Variants in TNPO3 observed in about 807,000 individuals in gnomAD.
The protein encoded by TNPO3 is transportin 3.
In TNPO3, 65 loss-of-function variants were observed where a neutral mutation model predicts 122.8. The observed-to-expected ratio is 0.53, with a 90% CI of 0.43 to 0.65. The LOEUF is 0.65. Ranked by LOEUF, TNPO3 falls within the 30% of genes least tolerant of loss-of-function variation. TNPO3 has a pLI of 0.00. For synonymous variants in TNPO3, 372 were observed against 411.2 expected, an observed-to-expected ratio of 0.90 and a Z score of 1.15; for missense variants, 850 against 1,136.7, an observed-to-expected ratio of 0.75 and a Z score of 3.63.
At chr7:128,977,972 T>G (rs906180976) in intron 16 of TNPO3, among the ~76,000 whole-genome samples, 1 of 152,164 alleles carries the variant, frequency 6.6e-6, no homozygotes, top group Non-Finnish European at 1.5e-5. Flanking sequence ...AGGTGGAGCA[T>G]GGTCACTTCA....
intron 1 of TNPO3, among the ~76,000 whole-genome samples, chr7:129,051,273 T>A (rs1808731117): frequency 6.6e-6 from 1 of 151,982 alleles, no homozygotes; most frequent in Non-Finnish European, 1.5e-5. Context: ...TGACATTATT[T>A]GATATTTTTG....
rs548382251 is a variant in TNPO3, at chr7:128,967,336, C to T, written c.2655G>A (p.Val885=). 236 of 1,614,088 alleles carry T rather than the reference C, an allele frequency of 1.5e-4. 5 individuals are homozygous for T. The South Asian group carries it at 2.5e-3, about 17-fold the overall frequency. ...GTTTGTGTGTCACTGTGACGGCTCC[C>T]ACGGTTGTTTCCTTTGGCAAACCTT... ...SLKGLPKETT[V]GAVTVTHKQL... Residue 885 remains valine (V), a synonymous_variant, in exon 21 of 23, where the codon GTG becomes GTA. Transcript: ENST00000265388.
At chr7:129,021,468 C>A (rs992666098) in intron 1 of TNPO3, among the ~76,000 whole-genome samples, 9 of 150,946 alleles carry the variant, frequency 6.0e-5, no homozygotes, top group African/African-American at 2.2e-4. Context: ...ACCTTGAAAC[C>A]AAACAGTCAG....
intron 14 of TNPO3, among the ~76,000 whole-genome samples, chr7:128,981,866 C>A (rs184189791): frequency 6.6e-6 from 1 of 152,098 alleles, no homozygotes; most frequent in East Asian, 1.9e-4. Flanking sequence ...ATAGCTGGGA[C>A]CACAGGCCCA....
At chr7:128,984,088 G>T in intron 13 of TNPO3, 80 bp downstream of exon 13, 1 of 855,504 alleles carries the variant, frequency 1.2e-6, no homozygotes, top group Non-Finnish European at 1.7e-6. Flanking sequence ...CAAAAGATCT[G>T]TAAATAAGTA....
In TNPO3 at chr7:128,984,177, T is replaced by C; in HGVS notation, c.1773A>G (p.Ala591=). 6.3e-7 allele frequency: 1 copy of C among 1,595,204 alleles called. No homozygotes were observed. The highest frequency in any genetic ancestry group is 8.5e-7 in the Non-Finnish European group (1 of 1,171,368). ...CCTTAATTGGACTTACCTTTTTCAA[T>C]GCCATAACCTGAACAGAACATAGTT... is the stretch of plus-strand genomic sequence containing the variant. The part of the protein sequence containing the change: ...LSELCSVQVM[A]LKKLLSQEPS... The change falls in exon 13 of 23, where the codon GCA becomes GCG. Residue 591 remains alanine (A), a synonymous_variant. Coordinates refer to ENST00000265388, the MANE Select transcript of TNPO3 (RefSeq NM_012470.4).
chr7:128,990,565 CA>C (rs1585338341), intron 10 of TNPO3, among the ~76,000 whole-genome samples: 2 of 152,140 alleles, frequency 1.3e-5, no homozygotes, highest in East Asian at 3.9e-4. Flanking sequence ...TGTTTTGCTC[CA>C]AAAGATTTCT....
chr7:128,956,279 C>T (rs1461844428), intron 22 of TNPO3, among the ~76,000 whole-genome samples: 1 of 152,210 alleles, frequency 6.6e-6, no homozygotes, highest in African/African-American at 2.4e-5. Context: ...GTGAGTGCTA[C>T]AGATTCATCA....
At chr7:129,022,017 T>G (rs1235114761) in intron 1 of TNPO3, among the ~76,000 whole-genome samples, 1 of 151,928 alleles carries the variant, frequency 6.6e-6, no homozygotes, top group African/African-American at 2.4e-5. Flanking sequence ...ATATCTAACA[T>G]ATAGACAACA....
At chr7:128,956,560 G>A (rs1007678938) in intron 22 of TNPO3, among the ~76,000 whole-genome samples, 8 of 152,160 alleles carry the variant, frequency 5.3e-5, no homozygotes, top group South Asian at 2.1e-4. Flanking sequence ...ACCCTCAAGC[G>A]AATGAGCATT....
chr7:128,986,794 A>C lies in TNPO3; in HGVS notation c.1625T>G (p.Leu542Arg). The C allele has an allele frequency of 6.2e-7, 1 of 1,614,186 alleles. No individual in the cohort carries two copies. ...DHMAQHFNGL[L>R]EIARSLDSFL... ...GGAATCGAGGGAGCGGGCAATCTCC[A>C]GGAGTCCATTAAAGTGCTGAGCCAT... The change falls in exon 12 of 23, where the codon CTG (leucine) becomes CGG (arginine). Residue 542 changes from leucine to arginine, a missense_variant. Physicochemically the swap from Leu to Arg is moderately radical, Grantham distance 102. Transcript: ENST00000265388.
intron 21 of TNPO3, among the ~76,000 whole-genome samples, chr7:128,966,149 T>C (rs1340475968): frequency 2.0e-5 from 3 of 152,244 alleles, no homozygotes; most frequent in South Asian, 4.1e-4. Context: ...TATGTAATAC[T>C]GTTATTTTAA....
chr7:128,961,772 C>T (rs1797480463), intron 21 of TNPO3, among the ~76,000 whole-genome samples: 1 of 152,112 alleles, frequency 6.6e-6, no homozygotes, highest in African/African-American at 2.4e-5. Context: ...GATCCGATGA[C>T]CTGGTAGGTA....
rs1183480801 is a variant in TNPO3 at position 128,967,312 on chromosome 7, T to C, written c.2679A>G (p.Lys893=). The part of the protein sequence containing the change: ...TTVGAVTVTH[K]QLTDFHKQVT... ...CTTGCTTGTGGAAGTCTGTAAGTTG[T>C]TTGTGTGTCACTGTGACGGCTCCCA... The change falls in exon 21 of 23, where the codon AAA becomes AAG. Residue 893 remains lysine, a synonymous_variant. Coordinates refer to ENST00000265388, the MANE Select transcript of TNPO3 (RefSeq NM_012470.4). The C allele has an allele frequency of 1.9e-6, 3 of 1,613,902 alleles. No individual in the cohort carries two copies. Among genetic ancestry groups the C allele is most frequent in the Non-Finnish European group, 2.5e-6 (3 of 1,179,742 alleles).
chr7:129,002,360 G>A (rs1421101308), intron 5 of TNPO3, among the ~76,000 whole-genome samples: 1 of 152,168 alleles, frequency 6.6e-6, no homozygotes, highest in African/African-American at 2.4e-5. Flanking sequence ...AACAACTGAT[G>A]CAAATCAGAG....
intron 1 of TNPO3, among the ~76,000 whole-genome samples, chr7:129,032,246 T>A (rs1221958964): frequency 6.6e-6 from 1 of 152,106 alleles, no homozygotes; most frequent in African/African-American, 2.4e-5. Context: ...ACAGCTAACA[T>A]CACACAACAG....
intron 16 of TNPO3, 58 bp from the exon 17 acceptor site, chr7:128,975,993 C>A: frequency 8.4e-7 from 1 of 1,197,254 alleles, no homozygotes; most frequent in Non-Finnish European, 1.2e-6. Context: ...TACCAACTTA[C>A]GAAGCTGTCT....
At chr7:129,042,728 A>G (rs532996436) in intron 1 of TNPO3, among the ~76,000 whole-genome samples, 2 of 152,304 alleles carry the variant, frequency 1.3e-5, no homozygotes, top group African/African-American at 4.8e-5. Flanking sequence ...TGAGGGGCAC[A>G]TAAGATAACC....
intron 2 of TNPO3, 88 bp downstream of exon 2, chr7:129,017,869 C>G: frequency 3.0e-6 from 4 of 1,334,710 alleles, no homozygotes; most frequent in East Asian, 2.4e-5. Context: ...TTAACATTAC[C>G]TCACATGGCC....
Sources: gnomAD v4.1 joint callset for allele counts (sites outside exome capture counted in the v4.1 genomes callset) on GRCh38, gnomAD v4.1.1 for gene constraint, MANE v1.5 for transcripts, NCBI Gene and HGNC (gene_info 2026-07-23, HGNC 2026-07-21) for gene names.